NUFIP2: variants seen among roughly 807,000 people sequenced by gnomAD.
The protein encoded by NUFIP2 is FMR1-interacting protein NUFIP2.
A neutral mutation model predicts 56.9 loss-of-function variants in NUFIP2; 6 were observed. The ratio of observed to expected loss-of-function variants is 0.11; its 90% CI spans 0.06 to 0.21. The LOEUF is 0.21. Ranked by LOEUF, NUFIP2 falls within the 10% of genes least tolerant of loss-of-function variation. The probability of loss-of-function intolerance (pLI) is 1.00; values close to 1 mark genes in which losing one functional copy is unlikely to be tolerated. For missense variants in NUFIP2, 828 were observed against 826.8 expected (o/e 1.00, Z -0.02); for synonymous variants, 321 against 298.2 (o/e 1.08, Z -0.79).
intron 2 of NUFIP2, among the ~76,000 whole-genome samples, chr17:29,269,784 G>A (rs780116864): frequency 2.6e-5 from 4 of 151,818 alleles, no homozygotes; most frequent in African/African-American, 4.8e-5. Context: ...ACAGTGGCGC[G>A]ATCTCAGCTC....
At chr17:29,279,456 A>G (rs1292682315) in intron 2 of NUFIP2, among the ~76,000 whole-genome samples, 1 of 152,192 alleles carries the variant, frequency 6.6e-6, no homozygotes, top group East Asian at 1.9e-4. Flanking sequence ...TAGTCAACAG[A>G]AAAATGGCTT....
At chr17:29,267,883 G>A (rs1567675974) in intron 2 of NUFIP2, among the ~76,000 whole-genome samples, 1 of 151,876 alleles carries the variant, frequency 6.6e-6, no homozygotes, top group Non-Finnish European at 1.5e-5. Flanking sequence ...TGCCTCAGGC[G>A]TGAGCCTGGA....
At position 29,262,783 on chromosome 17, in the gene NUFIP2, GAATTGGCAATCCA is replaced by G. The variant is rs1173933938; in HGVS notation, c.*1743_*1755del. ...AAAAAAGTTTTGTTTACATCAAGTG[GAATTGGCAATCCA>G]TGCTTATACTTTTAAAATCTAAGCA... is the stretch of plus-strand genomic sequence containing the variant. On this transcript the variant is annotated 3_prime_UTR_variant, in exon 4 of 4. Transcript: ENST00000225388. 6 of 150,864 alleles carry G rather than the reference GAATTGGCAATCCA, an allele frequency of 4.0e-5. No homozygotes were observed. In the East Asian group the frequency reaches 1.2e-3, roughly 29 times the overall value. 9.3% of individuals were successfully genotyped at this position (150,864 alleles called of 1,614,324 possible). A position where few individuals can be genotyped will look rare whatever the true frequency, so the allele number is the denominator to read the frequency against.
intron 2 of NUFIP2, among the ~76,000 whole-genome samples, chr17:29,281,550 G>C (rs2069139678): frequency 6.6e-6 from 1 of 151,798 alleles, no homozygotes; most frequent in African/African-American, 2.4e-5. Flanking sequence ...AAAGAGGCCA[G>C]GCATGGTGGC....
At chr17:29,271,842 AGGT>A (rs2069074544) in intron 2 of NUFIP2, among the ~76,000 whole-genome samples, 1 of 151,904 alleles carries the variant, frequency 6.6e-6, no homozygotes, top group Non-Finnish European at 1.5e-5. Context: ...AGGCCAAGGC[AGGT>A]GGATTACCTG....
At chr17:29,270,005 C>A (rs2069062143) in intron 2 of NUFIP2, among the ~76,000 whole-genome samples, 1 of 152,064 alleles carries the variant, frequency 6.6e-6, no homozygotes, top group South Asian at 2.1e-4. Flanking sequence ...CAGGTGTGAG[C>A]CACCGCGCCT....
intron 2 of NUFIP2, among the ~76,000 whole-genome samples, chr17:29,267,929 C>T (rs551839848): frequency 1.1e-4 from 9 of 84,740 alleles, no homozygotes; most frequent in Non-Finnish European, 1.6e-4. Flanking sequence ...GACTGAGTTT[C>T]GCTCTGTTAC....
intron 2 of NUFIP2, among the ~76,000 whole-genome samples, chr17:29,282,536 AG>A (rs1172171905): frequency 6.6e-6 from 1 of 151,324 alleles, no homozygotes; most frequent in Non-Finnish European, 1.5e-5. Context: ...CAACAGAGCA[AG>A]ACCCCATCTC....
At chr17:29,279,134 T>C (rs982295566) in intron 2 of NUFIP2, among the ~76,000 whole-genome samples, 3 of 152,196 alleles carry the variant, frequency 2.0e-5, no homozygotes, top group Non-Finnish European at 2.9e-5. Context: ...TGCAATGAAA[T>C]GCAGTAAACG....
chr17:29,283,671 C>T (rs1001296484), intron 2 of NUFIP2, among the ~76,000 whole-genome samples: 10 of 152,284 alleles, frequency 6.6e-5, no homozygotes, highest in Admixed American at 2.6e-4. Flanking sequence ...CAAAATACTT[C>T]GGTAAACATT....
At chr17:29,292,875 C>A (rs1379306006) in intron 1 of NUFIP2, among the ~76,000 whole-genome samples, 1 of 113,878 alleles carries the variant, frequency 8.8e-6, no homozygotes, top group Non-Finnish European at 1.9e-5. Flanking sequence ...CAACCCCGGC[C>A]GGCGACGGGG....
chr17:29,265,040 C>A (rs868077761), intron 3 of NUFIP2, among the ~76,000 whole-genome samples: 5 of 152,226 alleles, frequency 3.3e-5, no homozygotes, highest in Middle Eastern at 3.4e-3. Context: ...CTAAGTAAAA[C>A]CTGCCACCAA....
At chr17:29,282,839 GATT>G (rs1367080821) in intron 2 of NUFIP2, among the ~76,000 whole-genome samples, 2 of 151,360 alleles carry the variant, frequency 1.3e-5, no homozygotes, top group Non-Finnish European at 2.9e-5. Context: ...TAGCCCAACT[GATT>G]ATTACTTCTT....
At chr17:29,272,240 CTT>C (rs750900881) in intron 2 of NUFIP2, among the ~76,000 whole-genome samples, 37 of 133,082 alleles carry the variant, frequency 2.8e-4, no homozygotes, top group African/African-American at 3.5e-4. Context: ...GAAATGTGTT[CTT>C]TTTTTTTTTT....
chr17:29,274,752 A>T (rs1487263565), intron 2 of NUFIP2, among the ~76,000 whole-genome samples: 3 of 152,184 alleles, frequency 2.0e-5, no homozygotes, highest in Non-Finnish European at 4.4e-5. Context: ...AATAGTGATG[A>T]TTCTTCCAGG....
At chr17:29,278,099 A>AG (rs1179491031) in intron 2 of NUFIP2, among the ~76,000 whole-genome samples, 1 of 152,208 alleles carries the variant, frequency 6.6e-6, no homozygotes. Context: ...CCACCTTTTC[A>AG]GTAGACCCCT....
Position 29,293,954 on chromosome 17 carries a change from A to G in NUFIP2, c.106T>C (p.Tyr36His). 6.2e-7 allele frequency: 1 copy of G among 1,612,246 alleles called. No individual in the cohort carries two copies. Residue 36 changes from tyrosine (Y) to histidine (H), a missense_variant, in exon 1 of 4, where the codon TAT becomes CAT. Tyr to His is a moderately conservative substitution (Grantham distance 83, BLOSUM62 2). Coordinates refer to ENST00000225388, the MANE Select transcript of NUFIP2 (RefSeq NM_020772.3). The stretch of plus-strand genomic sequence containing the variant: ...TTGTGGCTGTGGTTGTAGAAATAAT[A>G]ATGGTGGTGGTGGTGCGGCTGCTGC... ...QQQQPHHHHH[Y>H]YFYNHSHNHH...
At chr17:29,292,798 C>G (rs1217113065) in intron 1 of NUFIP2, among the ~76,000 whole-genome samples, 4 of 149,338 alleles carry the variant, frequency 2.7e-5, no homozygotes, top group Non-Finnish European at 6.0e-5. Flanking sequence ...TTCCCTCCCC[C>G]ACCCCAACCG....
rs1417694157 is a variant in NUFIP2, at chr17:29,263,802, A to C, written c.*737T>G. 6.6e-6 allele frequency: 1 copy of C among 152,600 alleles called. No individual in the cohort carries two copies. The highest frequency in any genetic ancestry group is 1.5e-5 in the Non-Finnish European group (1 of 68,030). The allele number at this position is 152,600 out of a possible 1,614,324, so 9.5% of individuals were successfully genotyped here. A position where few individuals can be genotyped will look rare whatever the true frequency, so the allele number is the denominator to read the frequency against. Reference sequence around the variant, plus strand: ...TTGTTAAAGTCCAATATGTAACCGAAGCCAAGTTAACTATGTACCATCAAC... The same window carrying C: ...TTGTTAAAGTCCAATATGTAACCGACGCCAAGTTAACTATGTACCATCAAC... On this transcript the variant is annotated 3_prime_UTR_variant, in exon 4 of 4. Coordinates refer to ENST00000225388, the MANE Select transcript of NUFIP2 (RefSeq NM_020772.3).
Sources: allele counts gnomAD v4.1 joint callset (sites outside exome capture counted in the v4.1 genomes callset), GRCh38; gene constraint gnomAD v4.1.1; transcripts MANE v1.5; gene names NCBI Gene and HGNC (gene_info 2026-07-23, HGNC 2026-07-21).